The following AMOTL1 variants were observed in gnomAD, a reference collection of about 807,000 sequenced individuals.
AMOTL1 encodes the protein angiomotin like 1.
Under a neutral mutation model 102.9 loss-of-function variants are expected in AMOTL1, and 45 were observed. That is an observed-to-expected ratio of 0.44 (90% CI 0.34 to 0.56). AMOTL1 has a LOEUF of 0.56. Among genes scored for constraint, AMOTL1 ranks in the 20% least tolerant of loss-of-function variants. The pLI is 0.01. For synonymous variants in AMOTL1, 481 were observed against 484.7 expected, an observed-to-expected ratio of 0.99 and a Z score of 0.10; for missense variants, 1,114 against 1,225.6, an observed-to-expected ratio of 0.91 and a Z score of 1.36.
At chr11:94,821,215 T>A (rs560746046) in intron 3 of AMOTL1, among the ~76,000 whole-genome samples, 167 of 152,316 alleles carry the variant, frequency 1.1e-3, no homozygotes, top group African/African-American at 3.8e-3. Flanking sequence ...TCATTCCCTG[T>A]CACATCACTC....
At chr11:94,833,726 A>G (rs888986145) in intron 6 of AMOTL1, among the ~76,000 whole-genome samples, 2 of 152,194 alleles carry the variant, frequency 1.3e-5, no homozygotes, top group Non-Finnish European at 2.9e-5. Context: ...GTTAGCAGGT[A>G]TTTCAGTACA....
At chr11:94,863,280 A>AAAG (rs985073310) in intron 9 of AMOTL1, among the ~76,000 whole-genome samples, 5 of 105,018 alleles carry the variant, frequency 4.8e-5, no homozygotes, top group African/African-American at 1.3e-4. Flanking sequence ...GCTATTCTGT[A>AAAG]AAAAAAAAAA....
intron 3 of AMOTL1, among the ~76,000 whole-genome samples, chr11:94,806,831 G>A (rs1951576069): frequency 6.6e-6 from 1 of 152,180 alleles, no homozygotes; most frequent in Non-Finnish European, 1.5e-5. Context: ...TTACCCAAGA[G>A]TAGAGTCTTC....
At chr11:94,725,995 T>C (rs575144209) in intron 1 of AMOTL1, among the ~76,000 whole-genome samples, 1 of 152,188 alleles carries the variant, frequency 6.6e-6, no homozygotes, top group African/African-American at 2.4e-5. Context: ...TCATAGTGCT[T>C]AGTGAGAGAT....
At chr11:94,821,965 A>G in intron 4 of AMOTL1, 144 bp downstream of exon 4, 2 of 1,126,182 alleles carry the variant, frequency 1.8e-6, no homozygotes, top group Non-Finnish European at 2.5e-6. Context: ...ATGAAAATAA[A>G]TATGACCCAG....
At chr11:94,800,336 G>C (rs759126085) in intron 3 of AMOTL1, 25 bp downstream of exon 3, 2 of 1,542,410 alleles carry the variant, frequency 1.3e-6, no homozygotes, top group African/African-American at 1.4e-5. Context: ...CAGACGTTTC[G>C]TGCGGCTTTT....
chr11:94,722,463 T>A (rs1157098718), intron 1 of AMOTL1, among the ~76,000 whole-genome samples: 1 of 152,142 alleles, frequency 6.6e-6, no homozygotes, highest in Non-Finnish European at 1.5e-5. Context: ...CTAGGTAAAT[T>A]ACAGACATTT....
intron 2 of AMOTL1, among the ~76,000 whole-genome samples, chr11:94,730,801 C>A (rs551452106): frequency 2.6e-5 from 4 of 152,334 alleles, no homozygotes; most frequent in African/African-American, 4.8e-5. Flanking sequence ...CACCACATCA[C>A]TTCACCTTGC....
chr11:94,850,847 C>G (rs1184651068), intron 7 of AMOTL1, among the ~76,000 whole-genome samples: 1 of 152,166 alleles, frequency 6.6e-6, no homozygotes, highest in Admixed American at 6.5e-5. Context: ...CTATAAGAGT[C>G]TTAACTGAGA....
chr11:94,821,383 A>T (rs1011166044), intron 3 of AMOTL1, 147 bp from the exon 4 acceptor site: 1 of 814,132 alleles, frequency 1.2e-6, no homozygotes, highest in African/African-American at 1.7e-5. Flanking sequence ...GCCAATTGAG[A>T]TGGGAGCACA....
At chr11:94,784,611 T>G in intron 1 of AMOTL1, among the ~76,000 whole-genome samples, 1 of 152,206 alleles carries the variant, frequency 6.6e-6, no homozygotes, top group Non-Finnish European at 1.5e-5. Flanking sequence ...GAGTTTAATC[T>G]CCTTTACTTA....
At chr11:94,863,382 C>T (rs1055124001) in intron 9 of AMOTL1, among the ~76,000 whole-genome samples, 5 of 151,860 alleles carry the variant, frequency 3.3e-5, no homozygotes, top group African/African-American at 1.2e-4. Context: ...CACCTGAGGT[C>T]AGGAGTTTGA....
intron 7 of AMOTL1, among the ~76,000 whole-genome samples, chr11:94,850,928 T>C (rs538178536): frequency 6.6e-6 from 1 of 152,316 alleles, no homozygotes; most frequent in Non-Finnish European, 1.5e-5. Context: ...CCAACTGTTG[T>C]TGAATTTAAA....
chr11:94,798,332 T>G (rs1194585874), intron 2 of AMOTL1, among the ~76,000 whole-genome samples: 1 of 152,146 alleles, frequency 6.6e-6, no homozygotes, highest in Non-Finnish European at 1.5e-5. Flanking sequence ...AATGATGAAC[T>G]TGGAGATTGG....
chr11:94,712,615 T>C (rs139013073), intron 1 of AMOTL1, among the ~76,000 whole-genome samples: 2 of 152,098 alleles, frequency 1.3e-5, no homozygotes, highest in Non-Finnish European at 2.9e-5. Context: ...CCAGAATCTC[T>C]AAAGAACTTA....
At chr11:94,822,122 A>C (rs995724611) in intron 4 of AMOTL1, among the ~76,000 whole-genome samples, 9 of 152,200 alleles carry the variant, frequency 5.9e-5, no homozygotes, top group Non-Finnish European at 2.9e-5. Context: ...CCCCACCTGG[A>C]CAAATGTAGA....
intron 1 of AMOTL1, among the ~76,000 whole-genome samples, chr11:94,723,406 TGA>T (rs1440714687): frequency 6.6e-6 from 1 of 152,158 alleles, no homozygotes; most frequent in Non-Finnish European, 1.5e-5. Context: ...CCTGAGTCGC[TGA>T]GAGTTCTGCA....
intron 1 of AMOTL1, among the ~76,000 whole-genome samples, chr11:94,718,350 A>C (rs900970240): frequency 6.6e-6 from 1 of 152,010 alleles, no homozygotes; most frequent in African/African-American, 2.4e-5. Context: ...ACAGTCATTA[A>C]AATTTTTTAT....
intron 6 of AMOTL1, among the ~76,000 whole-genome samples, chr11:94,835,057 T>C (rs1266093491): frequency 6.6e-6 from 1 of 152,240 alleles, no homozygotes; most frequent in Non-Finnish European, 1.5e-5. Context: ...AATTAAGTGC[T>C]TAGGAGCTTG....
Sources: gnomAD v4.1 joint callset for allele counts (sites outside exome capture counted in the v4.1 genomes callset) on GRCh38, gnomAD v4.1.1 for gene constraint, MANE v1.5 for transcripts, NCBI Gene and HGNC (gene_info 2026-07-23, HGNC 2026-07-21) for gene names.